Variants in MKNK1 observed in about 807,000 individuals in gnomAD.
The protein encoded by MKNK1 is MAP kinase-interacting serine/threonine-protein kinase 1.
In MKNK1, 30 loss-of-function variants were observed where a neutral mutation model predicts 49.3. The observed-to-expected ratio is 0.61, with a 90% CI of 0.46 to 0.83. MKNK1 has a LOEUF of 0.83. Among genes scored for constraint, MKNK1 ranks in the 40% least tolerant of loss-of-function variants. MKNK1 has a pLI of 0.00. For synonymous variants in MKNK1, 176 were observed against 201.7 expected (o/e 0.87, Z 1.08); for missense variants, 423 against 524.7 (o/e 0.81, Z 1.89).
At chr1:46,576,443 G>A (rs376569656) in intron 5 of MKNK1, 132 bp downstream of exon 5, 4 of 711,262 alleles carry the variant, frequency 5.6e-6, no homozygotes, top group African/African-American at 1.8e-5. Context: ...TGAAAGGGGC[G>A]GAAGGAGGTA....
intron 11 of MKNK1, among the ~76,000 whole-genome samples, chr1:46,560,502 C>T (rs187618136): frequency 6.6e-6 from 1 of 152,222 alleles, no homozygotes; most frequent in African/African-American, 2.4e-5. Flanking sequence ...CCCCTCTTTC[C>T]CTTTGCCTGG....
At chr1:46,577,694 T>A (rs1358493391) in intron 4 of MKNK1, among the ~76,000 whole-genome samples, 4 of 152,040 alleles carry the variant, frequency 2.6e-5, no homozygotes, top group Admixed American at 1.3e-4. Context: ...GGTGGGCTGC[T>A]CCCCCTCCAC....
At chr1:46,574,412 G>A (rs10890405) in intron 6 of MKNK1, 1 of 152,166 alleles carries the variant, frequency 6.6e-6, no homozygotes, top group Non-Finnish European at 1.5e-5. Flanking sequence ...GGGAGTGATG[G>A]GAAGGGAAAG....
At chr1:46,592,938 G>A (rs1209729647) in intron 2 of MKNK1, among the ~76,000 whole-genome samples, 2 of 152,036 alleles carry the variant, frequency 1.3e-5, no homozygotes. Flanking sequence ...CTGGGGACGG[G>A]GAGCAGGGAA....
At chr1:46,588,965 A>G (rs1169790638) in intron 2 of MKNK1, among the ~76,000 whole-genome samples, 1 of 152,234 alleles carries the variant, frequency 6.6e-6, no homozygotes, top group Non-Finnish European at 1.5e-5. Context: ...TTCCTTGTAT[A>G]TGAAATGAGG....
intron 2 of MKNK1, among the ~76,000 whole-genome samples, chr1:46,587,714 G>A (rs900779053): frequency 6.6e-6 from 1 of 152,190 alleles, no homozygotes; most frequent in Admixed American, 6.5e-5. Context: ...CTACTCGGGA[G>A]GCTGAGGCAG....
At chr1:46,601,998 C>A (rs529198034) in intron 1 of MKNK1, among the ~76,000 whole-genome samples, 1 of 152,134 alleles carries the variant, frequency 6.6e-6, no homozygotes, top group Non-Finnish European at 1.5e-5. Flanking sequence ...AAAAGCTTCA[C>A]CATGGAGGCC....
Position 46,559,919 on chromosome 1 carries a change from G to A in MKNK1, c.1013+315C>T, listed in dbSNP as rs1667636758. The A allele has an allele frequency of 1.1e-5, 5 of 467,178 alleles. No individual in the cohort carries two copies. In the Admixed American group the frequency reaches 1.3e-4, roughly 13 times the overall value. 28.9% of individuals were successfully genotyped at this position (467,178 alleles called of 1,614,324 possible). A position where few individuals can be genotyped will look rare whatever the true frequency, so the allele number is the denominator to read the frequency against. ...ATACAAGGGCAGAGGGAAGCCTTGT[G>A]TGAATAACCCATGGGTAAGGTCTGT... On this transcript the variant is annotated intron_variant, in intron 12 of 12. Coordinates refer to ENST00000371945, the MANE Select transcript of MKNK1 (RefSeq NM_001135553.4).
intron 1 of MKNK1, among the ~76,000 whole-genome samples, chr1:46,598,413 G>A (rs573887500): frequency 2.6e-5 from 4 of 152,232 alleles, no homozygotes; most frequent in East Asian, 1.9e-4. Context: ...CCATGTGCTG[G>A]AACAATCTAG....
chr1:46,588,509 A>T (rs966094507), intron 2 of MKNK1, among the ~76,000 whole-genome samples: 52 of 152,212 alleles, frequency 3.4e-4, no homozygotes, highest in Non-Finnish European at 3.1e-4. Flanking sequence ...TTTATTTTTT[A>T]AAAAATGCTA....
Position 46,558,172 on chromosome 1 carries a change from G to C in MKNK1, c.*403C>G, listed in dbSNP as rs1347405788. ...GGAGGGTGACAGAGAAGAGAGGGAA[G>C]AGGCACGTGTCGGCAGCCTCTGTCA... On this transcript the variant is annotated 3_prime_UTR_variant, in exon 13 of 13. Transcript: ENST00000371945. 1 of 173,584 alleles carries C rather than the reference G, an allele frequency of 5.8e-6. No individual in the cohort carries two copies. Among genetic ancestry groups the C allele is most frequent in the Non-Finnish European group, 1.2e-5 (1 of 81,468 alleles). The allele number at this position is 173,584 out of a possible 1,614,324, so 10.8% of individuals were successfully genotyped here.
At chr1:46,586,818 T>C (rs1333708251) in intron 2 of MKNK1, among the ~76,000 whole-genome samples, 1 of 152,138 alleles carries the variant, frequency 6.6e-6, no homozygotes, top group Non-Finnish European at 1.5e-5. Context: ...TCTTATCTTT[T>C]CTTTTCTTTT....
rs199754439 is a variant in MKNK1, at chr1:46,565,104, C to T, written c.546G>A (p.Leu182=). 36 of 1,614,128 alleles carry T rather than the reference C, an allele frequency of 2.2e-5. 1 individual carries two copies. The African/African-American group carries it at 2.7e-4, about 12-fold the overall frequency. Residue 182 remains leucine, a synonymous_variant, in exon 9 of 13, where the codon TTG becomes TTA. Coordinates refer to ENST00000371945, the MANE Select transcript of MKNK1 (RefSeq NM_001135553.4). The part of the protein sequence containing the change: ...VSPVKICDFD[L]GSGMKLNNSC... ...AGTTGTTCAGTTTCATCCCACTGCCCAAGTCAAAGTCACAGATTTTCACTG... is the reference window on the plus strand; with the variant it reads ...AGTTGTTCAGTTTCATCCCACTGCCTAAGTCAAAGTCACAGATTTTCACTG...
chr1:46,562,971 T>C (rs1668308740), intron 9 of MKNK1, 128 bp from the exon 10 acceptor site: 1 of 792,552 alleles, frequency 1.3e-6, no homozygotes, highest in African/African-American at 1.8e-5. Flanking sequence ...GAGATACAGA[T>C]CAGGAAGGCC....
intron 4 of MKNK1, among the ~76,000 whole-genome samples, chr1:46,577,246 A>T (rs1671105824): frequency 6.6e-6 from 1 of 152,158 alleles, no homozygotes; most frequent in Admixed American, 6.5e-5. Flanking sequence ...CTGGAGGCTG[A>T]GGTGGGTGGA....
At chr1:46,568,183 T>TAG (rs1431851922) in intron 8 of MKNK1, 4 of 437,438 alleles carry the variant, frequency 9.1e-6, no homozygotes, top group African/African-American at 8.2e-5. Flanking sequence ...TGCATTGGAC[T>TAG]AGAAAATATT....
chr1:46,598,511 C>T (rs943006040), intron 1 of MKNK1, among the ~76,000 whole-genome samples: 3 of 152,090 alleles, frequency 2.0e-5, no homozygotes, highest in African/African-American at 7.2e-5. Context: ...AATATACTTT[C>T]TATAAAAACA....
rs1667259559 is a variant in MKNK1 at position 46,557,854 on chromosome 1, CTT to C, written c.*719_*720del. On this transcript the variant is annotated 3_prime_UTR_variant, in exon 13 of 13. Coordinates refer to ENST00000371945, the MANE Select transcript of MKNK1 (RefSeq NM_001135553.4). Reference sequence around the variant, plus strand: ...TTGCAGTGGGAGTTTAAGGTATCATCTTTGCTGGAACAGCATGGTTAAAAACA... The same window carrying C: ...TTGCAGTGGGAGTTTAAGGTATCATCTGCTGGAACAGCATGGTTAAAAACA... 6.6e-6 allele frequency: 1 copy of C among 152,358 alleles called. No individual in the cohort carries two copies. The highest frequency in any genetic ancestry group is 2.4e-5 in the African/African-American group (1 of 41,578). 9.4% of individuals were successfully genotyped at this position (152,358 alleles called of 1,614,324 possible).
rs779785293 is a variant in MKNK1 at position 46,558,527 on chromosome 1, G to T, written c.*48C>A. On this transcript the variant is annotated 3_prime_UTR_variant, in exon 13 of 13. Coordinates refer to ENST00000371945, the MANE Select transcript of MKNK1 (RefSeq NM_001135553.4). ...ACTTTAGCCACACAGGTTTCCAGGGGACAATGCCTGGCCAGGCCTAGGGCC... is the reference window on the plus strand; with the variant it reads ...ACTTTAGCCACACAGGTTTCCAGGGTACAATGCCTGGCCAGGCCTAGGGCC... 2.0e-6 allele frequency: 3 copies of T among 1,516,504 alleles called. No individual in the cohort carries two copies. Among genetic ancestry groups the T allele is most frequent in the Admixed American group, 4.2e-5 (2 of 47,236 alleles). The allele number at this position is 1,516,504 out of a possible 1,614,324, so 93.9% of individuals were successfully genotyped here. A position where few individuals can be genotyped will look rare whatever the true frequency, so the allele number is the denominator to read the frequency against.
Sources: allele counts gnomAD v4.1 joint callset (sites outside exome capture counted in the v4.1 genomes callset), GRCh38; gene constraint gnomAD v4.1.1; transcripts MANE v1.5; gene names NCBI Gene and HGNC (gene_info 2026-07-23, HGNC 2026-07-21).